Variants in ESRRG observed in about 807,000 individuals in gnomAD.
The protein encoded by ESRRG is estrogen-related receptor gamma.
In ESRRG, 13 loss-of-function variants were observed where a neutral mutation model predicts 44.0. The ratio of observed to expected loss-of-function variants is 0.30; its 90% CI spans 0.19 to 0.47. The LOEUF is 0.47. Among genes scored for constraint, ESRRG ranks in the 20% least tolerant of loss-of-function variants. ESRRG has a pLI of 1.00. For missense variants in ESRRG, 395 were observed against 580.6 expected (o/e 0.68, Z 3.29); for synonymous variants, 215 against 214.6 (o/e 1.00, Z -0.02).
At chr1:216,609,421 C>A (rs971087596) in intron 3 of ESRRG, among the ~76,000 whole-genome samples, 6 of 152,206 alleles carry the variant, frequency 3.9e-5, no homozygotes, top group Non-Finnish European at 7.3e-5. Flanking sequence ...TGGGTCACAC[C>A]TTTATCTACC....
Position 216,818,456 on chromosome 1 carries a change from G to T in ESRRG, c.-14+121126C>A, listed in dbSNP as rs75187821. Among the ~76,000 whole-genome samples the T allele has an allele frequency of 3.0e-3, 464 of 152,302 alleles. 9 individuals carry two copies. The East Asian group carries it at 0.038, about 13-fold the overall frequency. ...GCATGGGCACTTCTGGAGGGCACTT[G>T]ACACTCTAGGAAAAAGAAACGGCAC... On this transcript the variant is annotated intron_variant, in intron 2 of 7. Coordinates refer to the ESRRG transcript ENST00000359162.
chr1:217,079,512 C>T (rs963786785), intron 1 of ESRRG, among the ~76,000 whole-genome samples: 2 of 152,132 alleles, frequency 1.3e-5, no homozygotes, highest in Non-Finnish European at 2.9e-5. Context: ...TGATAATTCC[C>T]TTACATCTGA....
intron 1 of ESRRG, among the ~76,000 whole-genome samples, chr1:216,721,838 T>C (rs1188244900): frequency 6.6e-6 from 1 of 152,224 alleles, no homozygotes; most frequent in Non-Finnish European, 1.5e-5. Context: ...CCTTTGTTTA[T>C]TTTTCATTTT....
At chr1:217,009,170 T>G (rs1048346228) in intron 1 of ESRRG, among the ~76,000 whole-genome samples, 1 of 152,202 alleles carries the variant, frequency 6.6e-6, no homozygotes, top group Non-Finnish European at 1.5e-5. Context: ...AAATGCTACA[T>G]GCTTGAAACC....
Position 216,732,565 on chromosome 1 carries a change from CG to C in ESRRG, c.-13-55075del, listed in dbSNP as rs2089051074. Among the ~76,000 whole-genome samples the C allele has an allele frequency of 2.0e-5, 3 of 151,652 alleles. No individual in the cohort carries two copies. The South Asian group carries it at 6.3e-4, about 32-fold the overall frequency. ...CTAATTTTTGTATTTATAGTAGAGA[CG>C]GGATTTCACCATGTTGGACAGGCTG... On this transcript the variant is annotated intron_variant, in intron 2 of 7. Coordinates refer to the ESRRG transcript ENST00000359162.
At chr1:216,904,213 A>C (rs1435814345) in intron 2 of ESRRG, among the ~76,000 whole-genome samples, 4 of 139,474 alleles carry the variant, frequency 2.9e-5, no homozygotes, top group East Asian at 2.3e-4. Context: ...CACCCCCCCC[A>C]ACTGATAATT....
chr1:216,607,754 G>A (rs1010316281), intron 3 of ESRRG, among the ~76,000 whole-genome samples: 1 of 152,040 alleles, frequency 6.6e-6, no homozygotes, highest in Non-Finnish European at 1.5e-5. Flanking sequence ...AAGGAAACAT[G>A]TGACTATGAT....
chr1:217,089,679 G>A (rs2092296821), upstream of ESRRG: 1 of 152,092 alleles, frequency 6.6e-6, no homozygotes, highest in Non-Finnish European at 1.5e-5. Flanking sequence ...AGGCGAGGGG[G>A]TGCTGGCCGG....
intron 1 of ESRRG, among the ~76,000 whole-genome samples, chr1:217,038,223 C>T (rs993309680): frequency 6.6e-6 from 1 of 152,220 alleles, no homozygotes; most frequent in Non-Finnish European, 1.5e-5. Flanking sequence ...TGTCATTGCC[C>T]TAGCAGAGGT....
chr1:216,575,507 G>T (rs1352878858), intron 3 of ESRRG, among the ~76,000 whole-genome samples: 1 of 152,234 alleles, frequency 6.6e-6, no homozygotes. Flanking sequence ...AGCAGTCATT[G>T]GTTATTGAGA....
chr1:217,042,107 A>G (rs917224252), intron 1 of ESRRG, among the ~76,000 whole-genome samples: 14 of 152,208 alleles, frequency 9.2e-5, no homozygotes, highest in African/African-American at 3.4e-4. Context: ...CTAACCATAG[A>G]TACGTATTTC....
At chr1:216,941,268 T>C (rs2065183003) in intron 1 of ESRRG, among the ~76,000 whole-genome samples, 1 of 152,120 alleles carries the variant, frequency 6.6e-6, no homozygotes, top group Non-Finnish European at 1.5e-5. Flanking sequence ...GTTGCTTTTT[T>C]AAAAAGAAAG....
At chr1:217,002,861 C>G (rs965587636) in intron 1 of ESRRG, among the ~76,000 whole-genome samples, 7 of 152,142 alleles carry the variant, frequency 4.6e-5, no homozygotes, top group Non-Finnish European at 1.0e-4. Flanking sequence ...CTGCAACCCC[C>G]TGGTGACATG....
At chr1:216,890,821 T>C (rs1055799302) in intron 2 of ESRRG, among the ~76,000 whole-genome samples, 5 of 152,122 alleles carry the variant, frequency 3.3e-5, no homozygotes, top group African/African-American at 1.2e-4. Flanking sequence ...TTCACACACA[T>C]ACACAAAAAC....
At chr1:217,060,652 C>T (rs1049854657) in intron 1 of ESRRG, among the ~76,000 whole-genome samples, 1 of 151,992 alleles carries the variant, frequency 6.6e-6, no homozygotes, top group Non-Finnish European at 1.5e-5. Context: ...CTCACTGTGC[C>T]ATGCATATAA....
At chr1:216,625,084 G>C (rs2062939375) in intron 3 of ESRRG, among the ~76,000 whole-genome samples, 1 of 152,066 alleles carries the variant, frequency 6.6e-6, no homozygotes, top group Admixed American at 6.5e-5. Flanking sequence ...ACCACCCTCA[G>C]ACAGTGATCA....
chr1:216,781,263 T>C (rs951642363), intron 2 of ESRRG, among the ~76,000 whole-genome samples: 1 of 151,456 alleles, frequency 6.6e-6, no homozygotes, highest in African/African-American at 2.4e-5. Context: ...TAGGAATGCA[T>C]CCCTGAACAA....
intron 1 of ESRRG, chr1:216,939,692 T>C (rs2064878794): frequency 1.4e-5 from 2 of 145,144 alleles, no homozygotes; most frequent in Non-Finnish European, 3.0e-5. Flanking sequence ...TTATGTGACG[T>C]GAGCAAGGAT....
intron 2 of ESRRG, among the ~76,000 whole-genome samples, chr1:216,794,250 G>C (rs1012897735): frequency 6.6e-6 from 1 of 152,182 alleles, no homozygotes; most frequent in Admixed American, 6.6e-5. Context: ...ACTCCCGTAG[G>C]TCTTGGGTTT....
Sources: allele counts gnomAD v4.1 joint callset (sites outside exome capture counted in the v4.1 genomes callset), GRCh38; gene constraint gnomAD v4.1.1; transcripts MANE v1.5; gene names NCBI Gene and HGNC (gene_info 2026-07-23, HGNC 2026-07-21).